Variants in NTF3 observed in about 807,000 individuals in gnomAD.
The protein encoded by NTF3 is neurotrophin-3.
In NTF3, 8 loss-of-function variants were observed where a neutral mutation model predicts 26.3. That is an observed-to-expected ratio of 0.30 (90% CI 0.18 to 0.55). NTF3 has a LOEUF of 0.55. Among genes scored for constraint, NTF3 ranks in the 20% least tolerant of loss-of-function variants. The pLI is 0.93. For synonymous variants in NTF3, 154 were observed against 145.5 expected (o/e 1.06, Z -0.42); for missense variants, 276 against 352.9 (o/e 0.78, Z 1.75).
At chr12:5,431,840 G>T (rs1395692168), upstream of NTF3, among the ~76,000 whole-genome samples, 2 of 152,032 alleles carry the variant, frequency 1.3e-5, no homozygotes, top group Non-Finnish European at 2.9e-5. Context: ...AAGGGTGGGG[G>T]TTACTGAAGA....
intron 1 of NTF3, among the ~76,000 whole-genome samples, chr12:5,460,827 T>C (rs578019132): frequency 6.6e-6 from 1 of 152,340 alleles, no homozygotes; most frequent in South Asian, 2.1e-4. Context: ...ATTTGATTCC[T>C]TGGCAGAGAG....
intron 1 of NTF3, among the ~76,000 whole-genome samples, chr12:5,489,607 A>T (rs1262869909): frequency 6.6e-6 from 1 of 152,166 alleles, no homozygotes; most frequent in Non-Finnish European, 1.5e-5. Context: ...ATTCTTGGTG[A>T]TCTCACCCCT....
At chr12:5,474,166 C>G (rs989538744) in intron 1 of NTF3, among the ~76,000 whole-genome samples, 1 of 152,204 alleles carries the variant, frequency 6.6e-6, no homozygotes, top group Non-Finnish European at 1.5e-5. Flanking sequence ...CCCTTTGATC[C>G]AGTGACTTTA....
chr12:5,438,940 C>T (rs1230727222), intron 1 of NTF3, among the ~76,000 whole-genome samples: 2 of 152,204 alleles, frequency 1.3e-5, no homozygotes, highest in Non-Finnish European at 2.9e-5. Context: ...CCCTGGCACG[C>T]CCTTAACGAG....
intron 1 of NTF3, among the ~76,000 whole-genome samples, chr12:5,467,263 A>AAAAAAAAAT (rs1940603905): frequency 1.6e-5 from 2 of 126,982 alleles, no homozygotes; most frequent in African/African-American, 3.1e-5. Context: ...AAAAAAAAAA[A>AAAAAAAAAT]GTCGGGGGCT....
Position 5,433,435 on chromosome 12 carries a change from A to G in NTF3, c.18+1093A>G. 6.6e-6 allele frequency: 1 copy of G among 151,172 alleles called. No homozygotes were observed. The highest frequency in any genetic ancestry group is 1.5e-5 in the Non-Finnish European group (1 of 67,966). 9.4% of individuals were successfully genotyped at this position (151,172 alleles called of 1,614,324 possible). On this transcript the variant is annotated intron_variant, in intron 1 of 1. Transcript: ENST00000423158. The surrounding 1 kb of genome is among the most constrained non-coding windows in gnomAD (Gnocchi z 4.6). ...TGAAATTTGGGACGCTTGGGAGTTGAAGGTTAGGGACAGGAGGGGCGAGGG... is the reference window on the plus strand; with the variant it reads ...TGAAATTTGGGACGCTTGGGAGTTGGAGGTTAGGGACAGGAGGGGCGAGGG...
chr12:5,485,190 T>G (rs1940853297), intron 1 of NTF3, among the ~76,000 whole-genome samples: 1 of 152,244 alleles, frequency 6.6e-6, no homozygotes, highest in Non-Finnish European at 1.5e-5. Context: ...TGTGAATTGG[T>G]GACGCAAGCC....
intron 1 of NTF3, among the ~76,000 whole-genome samples, chr12:5,449,055 C>T (rs1940340013): frequency 6.6e-6 from 1 of 152,126 alleles, no homozygotes; most frequent in Non-Finnish European, 1.5e-5. Flanking sequence ...GAATATCACT[C>T]AAGATGGAAA....
chr12:5,486,861 T>A (rs982745819), intron 1 of NTF3, among the ~76,000 whole-genome samples: 22 of 150,932 alleles, frequency 1.5e-4, no homozygotes, highest in Non-Finnish European at 1.0e-4. Flanking sequence ...GAGCCCATCC[T>A]CACCTCAGGT....
chr12:5,452,252 C>T lies in NTF3; in HGVS notation c.18+19910C>T, dbSNP rs551256298. 6.6e-4 allele frequency among the ~76,000 whole-genome samples: 101 copies of T among 151,996 alleles called. 1 individual carries two copies. The South Asian group carries it at 0.019, about 28-fold the overall frequency. ...CTGGGACTACAGGCGCCCGCCACCACGCCCAGCTAATTTTTGTATTTTTAG... is the reference window on the plus strand; with the variant it reads ...CTGGGACTACAGGCGCCCGCCACCATGCCCAGCTAATTTTTGTATTTTTAG... On this transcript the variant is annotated intron_variant, in intron 1 of 1. Coordinates refer to ENST00000423158, the MANE Select transcript of NTF3 (RefSeq NM_001102654.2).
chr12:5,476,267 C>T (rs1565393892), intron 1 of NTF3, among the ~76,000 whole-genome samples: 1 of 152,060 alleles, frequency 6.6e-6, no homozygotes. Context: ...TAAGGAGATT[C>T]GTAGGTGGAG....
intron 1 of NTF3, among the ~76,000 whole-genome samples, chr12:5,465,585 CATTT>C (rs1409007874): frequency 6.6e-6 from 1 of 152,244 alleles, no homozygotes; most frequent in East Asian, 1.9e-4. Flanking sequence ...TGAAATGCCT[CATTT>C]ATTCCTCATA....
At chr12:5,479,524 C>A (rs1022265565) in intron 1 of NTF3, among the ~76,000 whole-genome samples, 4 of 152,190 alleles carry the variant, frequency 2.6e-5, no homozygotes, top group African/African-American at 7.2e-5. Context: ...GGACTTTGAA[C>A]ATAGAGAAGG....
chr12:5,443,707 G>A (rs1940268231), intron 1 of NTF3, among the ~76,000 whole-genome samples: 1 of 152,176 alleles, frequency 6.6e-6, no homozygotes, highest in Non-Finnish European at 1.5e-5. Context: ...TTTGGTAGCT[G>A]TGGATTAAAA....
At chr12:5,464,751 CA>C (rs1238108002) in intron 1 of NTF3, among the ~76,000 whole-genome samples, 1 of 152,172 alleles carries the variant, frequency 6.6e-6, no homozygotes, top group Non-Finnish European at 1.5e-5. Context: ...TACATGAATT[CA>C]TATGAATTCA....
intron 1 of NTF3, among the ~76,000 whole-genome samples, chr12:5,483,203 C>A (rs1192156184): frequency 6.0e-5 from 9 of 151,198 alleles, no homozygotes; most frequent in South Asian, 2.1e-4. Flanking sequence ...CTTTCTATCT[C>A]TCTCTCTCTC....
At chr12:5,478,838 C>T (rs756769581) in intron 1 of NTF3, among the ~76,000 whole-genome samples, 4 of 152,238 alleles carry the variant, frequency 2.6e-5, no homozygotes, top group Non-Finnish European at 5.9e-5. Flanking sequence ...ATCGGGTCCT[C>T]ATTGTCCCCT....
intron 1 of NTF3, among the ~76,000 whole-genome samples, chr12:5,465,514 G>C (rs534283939): frequency 3.3e-5 from 5 of 152,352 alleles, no homozygotes; most frequent in African/African-American, 1.2e-4. Context: ...TAAATGAAGA[G>C]AACTACTATT....
At chr12:5,452,342 G>A (rs985406348) in intron 1 of NTF3, among the ~76,000 whole-genome samples, 1 of 150,378 alleles carries the variant, frequency 6.6e-6, no homozygotes, top group Non-Finnish European at 1.5e-5. Flanking sequence ...TGATCCACCC[G>A]CCTCGGCTTC....
Sources: gnomAD v4.1 joint callset for allele counts (sites outside exome capture counted in the v4.1 genomes callset) on GRCh38, gnomAD v4.1.1 for gene constraint, Gnocchi (gnomAD v3.1) non-coding constraint, MANE v1.5 for transcripts, NCBI Gene and HGNC (gene_info 2026-07-23, HGNC 2026-07-21) for gene names.